DOCK5: variants seen among roughly 807,000 people sequenced by gnomAD.
The protein encoded by DOCK5 is dedicator of cytokinesis protein 5.
Under a neutral mutation model 251.8 loss-of-function variants are expected in DOCK5, and 142 were observed. The ratio of observed to expected loss-of-function variants is 0.56; its 90% CI spans 0.49 to 0.65. The LOEUF is 0.65. Among genes scored for constraint, DOCK5 ranks in the 30% least tolerant of loss-of-function variants. DOCK5 has a pLI of 0.00. For missense variants in DOCK5, 2,111 were observed against 2,312.3 expected (o/e 0.91, Z 1.79); for synonymous variants, 842 against 835.5 (o/e 1.01, Z -0.13).
At chr8:25,350,501 A>G (rs1800447671) in intron 26 of DOCK5, among the ~76,000 whole-genome samples, 1 of 152,230 alleles carries the variant, frequency 6.6e-6, no homozygotes, top group Admixed American at 6.5e-5. Context: ...AAGCTCAGCG[A>G]AGTTGAATAA....
chr8:25,302,183 G>C, intron 9 of DOCK5, 142 bp from the exon 10 acceptor site: 2 of 1,221,146 alleles, frequency 1.6e-6, no homozygotes, highest in Non-Finnish European at 2.2e-6. Flanking sequence ...ATGGAGATGG[G>C]GGAGAAGAGA....
chr8:25,297,496 C>T (rs1305699699), intron 7 of DOCK5, among the ~76,000 whole-genome samples: 3 of 152,088 alleles, frequency 2.0e-5, no homozygotes, highest in African/African-American at 7.2e-5. Flanking sequence ...TCCTGTGATC[C>T]ACCTGCCTTG....
At chr8:25,250,919 G>C (rs1462427620) in intron 2 of DOCK5, among the ~76,000 whole-genome samples, 1 of 152,144 alleles carries the variant, frequency 6.6e-6, no homozygotes, top group Non-Finnish European at 1.5e-5. Flanking sequence ...TTGTGACAAG[G>C]ACATTTCATC....
intron 5 of DOCK5, among the ~76,000 whole-genome samples, chr8:25,286,699 T>G (rs1464585886): frequency 6.6e-6 from 1 of 152,104 alleles, no homozygotes; most frequent in Non-Finnish European, 1.5e-5. Context: ...GGTCTCGTTC[T>G]GCCACCCAGG....
chr8:25,373,888 T>C (rs1252449013), intron 36 of DOCK5, among the ~76,000 whole-genome samples: 1 of 152,140 alleles, frequency 6.6e-6, no homozygotes, highest in African/African-American at 2.4e-5. Context: ...AGGGGAAGGA[T>C]AGACAACTTC....
chr8:25,231,431 C>T (rs919474574), intron 1 of DOCK5, among the ~76,000 whole-genome samples: 4 of 152,114 alleles, frequency 2.6e-5, no homozygotes, highest in Admixed American at 6.5e-5. Flanking sequence ...ACTTGCACTT[C>T]GTGGGAAGAA....
chr8:25,365,092 A>G (rs1303498617), intron 30 of DOCK5, among the ~76,000 whole-genome samples: 1 of 152,244 alleles, frequency 6.6e-6, no homozygotes, highest in Non-Finnish European at 1.5e-5. Flanking sequence ...TTTGGTTCTA[A>G]AGAACAGTTC....
chr8:25,364,569 G>T, intron 29 of DOCK5, 57 bp from the exon 30 acceptor site: 1 of 1,318,402 alleles, frequency 7.6e-7, no homozygotes. Context: ...ATATAGGTGG[G>T]AAAAGGTTTC....
intron 1 of DOCK5, among the ~76,000 whole-genome samples, chr8:25,214,154 G>A (rs1802170542): frequency 6.6e-6 from 1 of 152,182 alleles, no homozygotes; most frequent in Non-Finnish European, 1.5e-5. Flanking sequence ...CGCTCTAACA[G>A]TTTCAGATTT....
rs929085458 is a variant in DOCK5, at chr8:25,395,665, G to T, written c.4650G>T (p.Leu1550=). ...TCTCTGTGCACCCTCTCTCCATGCT[G>T]CTCAGTGGCATCGTGGACCCGGCCG... The part of the protein sequence containing the change: ...RSLSVHPLSM[L]LSGIVDPAVM... Residue 1550 remains leucine (L), a synonymous_variant, in exon 45 of 52, where the codon CTG becomes CTT. Transcript: ENST00000276440. 1.9e-6 allele frequency: 3 copies of T among 1,613,698 alleles called. No homozygotes were observed. The highest frequency in any genetic ancestry group is 2.5e-6 in the Non-Finnish European group (3 of 1,179,824).
chr8:25,392,290 C>A (rs548185605), intron 43 of DOCK5, among the ~76,000 whole-genome samples: 7 of 137,554 alleles, frequency 5.1e-5, no homozygotes, highest in African/African-American at 1.9e-4. Context: ...GGCGACAGAG[C>A]GAGACTTCGT....
intron 14 of DOCK5, chr8:25,317,415 G>A (rs567232939): frequency 9.8e-5 from 26 of 266,328 alleles, no homozygotes; most frequent in African/African-American, 4.8e-4. Flanking sequence ...GTTATTTATC[G>A]TTTTCAACTT....
intron 14 of DOCK5, among the ~76,000 whole-genome samples, chr8:25,317,650 G>A (rs1029141326): frequency 3.9e-5 from 6 of 152,010 alleles, no homozygotes; most frequent in Admixed American, 1.3e-4. Flanking sequence ...TTGCTCTGTC[G>A]CCCAGGCTGG....
At chr8:25,396,665 T>C (rs906247) in intron 45 of DOCK5, among the ~76,000 whole-genome samples, 43,499 of 151,990 alleles carry the variant, frequency 0.29, 6,367 homozygotes, top group Non-Finnish European at 0.32. Context: ...TCAACATTTG[T>C]CAAGGACGCC....
At chr8:25,286,049 G>T (rs1270105945) in intron 5 of DOCK5, among the ~76,000 whole-genome samples, 1 of 152,158 alleles carries the variant, frequency 6.6e-6, no homozygotes, top group Non-Finnish European at 1.5e-5. Context: ...GACCTTTGCT[G>T]GTCAGACTGC....
chr8:25,225,172 T>G (rs1044825401), intron 1 of DOCK5, among the ~76,000 whole-genome samples: 1 of 152,224 alleles, frequency 6.6e-6, no homozygotes, highest in Non-Finnish European at 1.5e-5. Context: ...GTGCAGTCCC[T>G]ATGGAAAACA....
intron 13 of DOCK5, among the ~76,000 whole-genome samples, chr8:25,316,521 T>C (rs1022712122): frequency 1.3e-5 from 2 of 151,982 alleles, no homozygotes; most frequent in African/African-American, 4.8e-5. Flanking sequence ...TCAGAAAGAG[T>C]GTCTACCTCA....
In DOCK5 at chr8:25,382,791, A is replaced by G. The variant is rs778302843; in HGVS notation, c.4131+13A>G. On this transcript the variant is annotated intron_variant, in intron 40 of 51. Coordinates refer to ENST00000276440, the MANE Select transcript of DOCK5 (RefSeq NM_024940.8). ...TTCTTTCCTACGGGTAAGAAACCTG[A>G]TGGTGGTCTCCCAGGCCATTAGGAG... is the stretch of plus-strand genomic sequence containing the variant. The G allele has an allele frequency of 2.5e-6, 4 of 1,599,310 alleles. No homozygotes were observed. The highest frequency in any genetic ancestry group is 4.5e-5 in the East Asian group (2 of 44,714).
intron 5 of DOCK5, among the ~76,000 whole-genome samples, chr8:25,280,186 G>A (rs1239619144): frequency 6.6e-6 from 1 of 152,188 alleles, no homozygotes. Flanking sequence ...TTCCTATGGC[G>A]AATGTATATT....
Sources: gnomAD v4.1 joint callset for allele counts (sites outside exome capture counted in the v4.1 genomes callset) on GRCh38, gnomAD v4.1.1 for gene constraint, MANE v1.5 for transcripts, NCBI Gene and HGNC (gene_info 2026-07-23, HGNC 2026-07-21) for gene names.